PDE7A: variants seen among roughly 807,000 people sequenced by gnomAD.
The protein encoded by PDE7A is phosphodiesterase 7A, also known as high affinity 3',5'-cyclic-AMP phosphodiesterase 7A.
PDE7A carries 39 observed loss-of-function variants against 64.3 expected under a neutral mutation model. The observed-to-expected ratio is 0.61, with a 90% CI of 0.47 to 0.79. PDE7A has a LOEUF of 0.79. Among genes scored for constraint, PDE7A ranks in the 30% least tolerant of loss-of-function variants. PDE7A has a pLI of 0.00. For missense variants in PDE7A, 470 were observed against 582.8 expected (o/e 0.81, Z 1.99); for synonymous variants, 203 against 206.8 (o/e 0.98, Z 0.16).
chr8:65,819,713 AT>A (rs1324429865), intron 1 of PDE7A, among the ~76,000 whole-genome samples: 1 of 152,200 alleles, frequency 6.6e-6, no homozygotes, highest in East Asian at 1.9e-4. Flanking sequence ...AGTTAGTAAG[AT>A]TAATTTTATT....
At chr8:65,740,277 G>A (rs1350492587) in intron 5 of PDE7A, among the ~76,000 whole-genome samples, 9 of 152,074 alleles carry the variant, frequency 5.9e-5, no homozygotes, top group Admixed American at 3.9e-4. Context: ...GCTCTTTCAC[G>A]TTTTAAAATG....
chr8:65,725,553 A>T (rs889644095), intron 9 of PDE7A: 1 of 153,748 alleles, frequency 6.5e-6, no homozygotes, highest in Non-Finnish European at 1.5e-5. Flanking sequence ...TACATCATTT[A>T]TAAAACTGCC....
chr8:65,729,506 A>G (rs893473119), intron 7 of PDE7A, among the ~76,000 whole-genome samples: 2 of 151,768 alleles, frequency 1.3e-5, no homozygotes, highest in Admixed American at 6.6e-5. Context: ...CAGTTTAGTG[A>G]CATAAAATGT....
intron 1 of PDE7A, among the ~76,000 whole-genome samples, chr8:65,813,572 A>G (rs560445631): frequency 5.6e-4 from 86 of 152,326 alleles, no homozygotes; most frequent in African/African-American, 1.6e-3. Flanking sequence ...AAAATATAAA[A>G]ACAAGTTTAT....
At chr8:65,788,722 T>C (rs1282630889) in intron 1 of PDE7A, among the ~76,000 whole-genome samples, 1 of 152,074 alleles carries the variant, frequency 6.6e-6, no homozygotes, top group Non-Finnish European at 1.5e-5. Context: ...AAACTACAAA[T>C]AGTAAATTTA....
At chr8:65,810,427 C>T (rs1810232513) in intron 1 of PDE7A, among the ~76,000 whole-genome samples, 1 of 152,176 alleles carries the variant, frequency 6.6e-6, no homozygotes, top group South Asian at 2.1e-4. Context: ...AGCAAACCAA[C>T]ACAGCACATG....
chr8:65,841,354 C>T lies in PDE7A; in HGVS notation c.138+17G>A, dbSNP rs766589891. Reference sequence around the variant, plus strand: ...AAGAGAGAAGCCCTCAAGTGTGGGCCCGGCGGCGGCGATTACCTGAGAGAG... The same window carrying T: ...AAGAGAGAAGCCCTCAAGTGTGGGCTCGGCGGCGGCGATTACCTGAGAGAG... On this transcript the variant is annotated intron_variant, in intron 1 of 12. Transcript: ENST00000401827. 7.2e-6 allele frequency: 11 copies of T among 1,523,546 alleles called. No homozygotes were observed. In the East Asian group the frequency reaches 8.0e-5, roughly 11 times the overall value. 94.4% of individuals were successfully genotyped at this position (1,523,546 alleles called of 1,614,324 possible).
At position 65,814,286 on chromosome 8, in the gene PDE7A, C is replaced by T. The variant is rs566796988; in HGVS notation, c.138+27085G>A. Among the ~76,000 whole-genome samples the T allele has an allele frequency of 3.5e-3, 531 of 151,606 alleles. 2 individuals are homozygous for T. Among genetic ancestry groups the T allele is most frequent in the Middle Eastern group, 0.014 (4 of 294 alleles). On this transcript the variant is annotated intron_variant, in intron 1 of 12. Transcript: ENST00000401827. The stretch of plus-strand genomic sequence containing the variant: ...CAGCACTTTGGGAGGCCGAGGCGGG[C>T]GGATCACGAGGTCAGGAGATCGAGA...
At chr8:65,835,051 A>G (rs1810920189) in intron 1 of PDE7A, among the ~76,000 whole-genome samples, 1 of 152,248 alleles carries the variant, frequency 6.6e-6, no homozygotes, top group Non-Finnish European at 1.5e-5. Context: ...ATATAAAAAA[A>G]TCAACAAAGT....
At chr8:65,814,510 C>CAAAAAAA (rs140450405) in intron 1 of PDE7A, among the ~76,000 whole-genome samples, 2 of 71,032 alleles carry the variant, frequency 2.8e-5, no homozygotes, top group Non-Finnish European at 4.7e-5. Context: ...GACTCCGTCT[C>CAAAAAAA]AAAAAAAAAA....
intron 1 of PDE7A, among the ~76,000 whole-genome samples, chr8:65,823,682 G>C (rs1236780785): frequency 6.6e-6 from 1 of 151,864 alleles, no homozygotes; most frequent in Non-Finnish European, 1.5e-5. Context: ...AAAACATGAA[G>C]AGATAACTAG....
intron 7 of PDE7A, among the ~76,000 whole-genome samples, chr8:65,729,949 A>G (rs1806782840): frequency 6.6e-6 from 1 of 151,928 alleles, no homozygotes. Flanking sequence ...ACAGAAGGCA[A>G]AAGGACAAGG....
intron 1 of PDE7A, among the ~76,000 whole-genome samples, chr8:65,837,259 T>C (rs529914635): frequency 6.6e-6 from 1 of 152,308 alleles, no homozygotes; most frequent in African/African-American, 2.4e-5. Flanking sequence ...AAAACGGTTG[T>C]GTATAAGGAA....
chr8:65,840,635 C>T (rs1811058064), intron 1 of PDE7A, among the ~76,000 whole-genome samples: 1 of 152,174 alleles, frequency 6.6e-6, no homozygotes, highest in Non-Finnish European at 1.5e-5. Flanking sequence ...ATTAGCCAAA[C>T]CTAAGGAATT....
chr8:65,748,167 G>A (rs771482837), intron 3 of PDE7A, among the ~76,000 whole-genome samples: 20 of 151,644 alleles, frequency 1.3e-4, no homozygotes, highest in Non-Finnish European at 2.2e-4. Context: ...TAAACATGGA[G>A]CAGAAACATG....
chr8:65,831,079 T>C (rs1810806961), intron 1 of PDE7A, among the ~76,000 whole-genome samples: 1 of 152,128 alleles, frequency 6.6e-6, no homozygotes, highest in Admixed American at 6.6e-5. Context: ...ATCATTTATA[T>C]ATATTAAAAC....
intron 7 of PDE7A, among the ~76,000 whole-genome samples, chr8:65,734,269 C>G (rs1460003762): frequency 1.1e-4 from 16 of 152,122 alleles, no homozygotes; most frequent in Admixed American, 1.0e-3. Context: ...ATGCATTCAC[C>G]ACCACATCCT....
intron 3 of PDE7A, among the ~76,000 whole-genome samples, chr8:65,751,530 T>C (rs1321929251): frequency 6.6e-6 from 1 of 152,178 alleles, no homozygotes; most frequent in Non-Finnish European, 1.5e-5. Context: ...TTGTTGTTCA[T>C]TCTTGTTGCT....
At chr8:65,754,222 G>A (rs112425574) in intron 3 of PDE7A, among the ~76,000 whole-genome samples, 4,864 of 152,054 alleles carry the variant, frequency 0.032, 267 homozygotes, top group African/African-American at 0.11. Context: ...GTCTAGCCAC[G>A]CTGGCAGCTG....
Sources: allele counts gnomAD v4.1 joint callset (sites outside exome capture counted in the v4.1 genomes callset), GRCh38; gene constraint gnomAD v4.1.1; transcripts MANE v1.5; gene names NCBI Gene and HGNC (gene_info 2026-07-23, HGNC 2026-07-21).